Variants in MIA2 observed in about 807,000 individuals in gnomAD.
MIA2 encodes MIA SH3 domain ER export factor 2, also known as melanoma inhibitory activity protein 2.
A neutral mutation model predicts 167.8 loss-of-function variants in MIA2; 127 were observed. That is an observed-to-expected ratio of 0.76 (90% CI 0.66 to 0.88). The LOEUF (loss-of-function observed/expected upper bound fraction) is 0.88. MIA2 is among the 40% of genes least tolerant of loss of function. The pLI, the probability that MIA2 is intolerant of heterozygous loss-of-function variation, is 0.00. For synonymous variants in MIA2, 552 were observed against 541.9 expected (o/e 1.02, Z -0.26); for missense variants, 1,690 against 1,624.7 (o/e 1.04, Z -0.69).
chr14:39,285,415 C>T (rs2059506571), intron 9 of MIA2, among the ~76,000 whole-genome samples: 3 of 139,032 alleles, frequency 2.2e-5, no homozygotes, highest in Admixed American at 1.4e-4. Context: ...GGCGGCTGGC[C>T]GGGCGGGGGC....
At chr14:39,277,696 A>ATATATATATATATATATATGTGTG in intron 7 of MIA2, among the ~76,000 whole-genome samples, 3 of 5,976 alleles carry the variant, frequency 5.0e-4, no homozygotes, top group South Asian at 3.2e-3. Flanking sequence ...ATGTGTGTAT[A>ATATATATATATATATATATGTGTG]TATATATATA....
intron 23 of MIA2, chr14:39,385,719 C>T: frequency 1.0e-6 from 1 of 961,562 alleles, no homozygotes; most frequent in Admixed American, 1.7e-5. Flanking sequence ...GACTATAGTC[C>T]TTCTTACGTG....
At chr14:39,348,410 CAT>C (rs1369565287) in intron 27 of MIA2, among the ~76,000 whole-genome samples, 1 of 152,054 alleles carries the variant, frequency 6.6e-6, no homozygotes, top group African/African-American at 2.4e-5. Context: ...AAAATATAAA[CAT>C]AGACATTTTG....
chr14:39,340,237 C>G (rs1465640872), intron 25 of MIA2, among the ~76,000 whole-genome samples: 2 of 152,138 alleles, frequency 1.3e-5, no homozygotes, highest in Non-Finnish European at 2.9e-5. Flanking sequence ...TGGTGCTTAT[C>G]TTTTACTGAT....
chr14:39,310,952 A>G (rs146395127), intron 18 of MIA2, among the ~76,000 whole-genome samples: 52 of 152,328 alleles, frequency 3.4e-4, no homozygotes, highest in African/African-American at 1.2e-3. Context: ...TTAGGTTAGA[A>G]TGAAAGGTAT....
At chr14:39,282,806 C>G (rs2059134974) in intron 9 of MIA2, among the ~76,000 whole-genome samples, 1 of 152,180 alleles carries the variant, frequency 6.6e-6, no homozygotes, top group Non-Finnish European at 1.5e-5. Flanking sequence ...CTCCCTGGCT[C>G]AGGTGATCCT....
At position 39,247,890 on chromosome 14, in the gene MIA2, T is replaced by G; in HGVS notation, c.1316T>G (p.Ile439Arg). 1 of 1,589,728 alleles carries G rather than the reference T, an allele frequency of 6.3e-7. No homozygotes were observed. The highest frequency in any genetic ancestry group is 1.4e-5 in the African/African-American group (1 of 73,116). ...TIKIIETEDQ[I>R]DKKPVSEKTD... ...AAAATTATAGAAACAGAAGATCAAA[T>G]AGACAAGAAACCAGTCTCAGAAAAA... is the stretch of plus-strand genomic sequence containing the variant. Residue 439 changes from isoleucine to arginine, a missense_variant, in exon 4 of 29, where the codon ATA (isoleucine) becomes AGA (arginine). By Grantham distance (97) the Ile-to-Arg change is moderately conservative. Transcript: ENST00000640607.
intron 26 of MIA2, among the ~76,000 whole-genome samples, chr14:39,346,284 T>C (rs868227471): frequency 1.3e-5 from 2 of 152,196 alleles, no homozygotes; most frequent in South Asian, 2.1e-4. Context: ...TTTACTCTGT[T>C]CTATGACTAA....
At chr14:39,274,431 CTTTTTTTT>C (rs547198743) in intron 6 of MIA2, among the ~76,000 whole-genome samples, 1 of 136,986 alleles carries the variant, frequency 7.3e-6, no homozygotes, top group South Asian at 2.3e-4. Context: ...TTCTTTTTTT[CTTTTTTTT>C]TTTTTTTGAG....
At position 39,283,781 on chromosome 14, in the gene MIA2, C is replaced by G. The variant is rs191041110; in HGVS notation, c.2130+4244C>G. On this transcript the variant is annotated intron_variant, in intron 9 of 28. Transcript: ENST00000640607. ...TGATATTGAACACCATTTCATATAC[C>G]TGTTGGCCATTTTTATGTCATCTTC... Among the ~76,000 whole-genome samples the G allele has an allele frequency of 4.9e-4, 74 of 152,228 alleles. 1 individual carries two copies. Among genetic ancestry groups the G allele is most frequent in the Non-Finnish European group, 2.2e-4 (15 of 68,002 alleles).
intron 6 of MIA2, chr14:39,266,435 C>T (rs1219906819): frequency 3.0e-6 from 3 of 985,344 alleles, no homozygotes; most frequent in Non-Finnish European, 3.6e-6. Flanking sequence ...CCGCGCCAGG[C>T]CAAGGTCCAC....
In MIA2 at chr14:39,299,742, T is replaced by G. The variant is rs964590128; in HGVS notation, c.2497-122T>G. The G allele has an allele frequency of 4.9e-5, 47 of 966,632 alleles. No individual in the cohort carries two copies. The African/African-American group carries it at 7.5e-4, about 15-fold the overall frequency. 59.9% of individuals were successfully genotyped at this position (966,632 alleles called of 1,614,324 possible). On this transcript the variant is annotated intron_variant, in intron 13 of 28. Coordinates refer to ENST00000640607, the MANE Select transcript of MIA2 (RefSeq NM_001329214.4). Reference sequence around the variant, plus strand: ...TGTGTTATTTTACACTACCCCATTTTGAAAGTTCTTTGAAAATAGGAGCCA... The same window carrying G: ...TGTGTTATTTTACACTACCCCATTTGGAAAGTTCTTTGAAAATAGGAGCCA...
chr14:39,347,039 C>T (rs1224803704), intron 26 of MIA2: 1 of 166,354 alleles, frequency 6.0e-6, no homozygotes. Context: ...AAAGAGAAAC[C>T]CAGGAGGTTT....
Position 39,249,158 on chromosome 14 carries a change from T to C in MIA2, c.1567+1017T>C, listed in dbSNP as rs1398715519. On this transcript the variant is annotated intron_variant, in intron 4 of 28. Coordinates refer to ENST00000640607, the MANE Select transcript of MIA2 (RefSeq NM_001329214.4). Reference sequence around the variant, plus strand: ...CAAGAGTTTTCTTTTGTTTTTGTTTTGAGACAAGGTTTCACTCTGTCACCT... The same window carrying C: ...CAAGAGTTTTCTTTTGTTTTTGTTTCGAGACAAGGTTTCACTCTGTCACCT... Among the ~76,000 whole-genome samples, 16 of 152,196 alleles carry C rather than the reference T, an allele frequency of 1.1e-4. No homozygotes were observed. The East Asian group carries it at 1.9e-3, about 18-fold the overall frequency.
intron 25 of MIA2, among the ~76,000 whole-genome samples, chr14:39,338,940 A>G (rs1005248340): frequency 1.3e-5 from 2 of 152,166 alleles, no homozygotes; most frequent in Admixed American, 1.3e-4. Context: ...TTAAGTAGAT[A>G]ATGTCACTAT....
At chr14:39,284,759 A>AT (rs942039155) in intron 9 of MIA2, among the ~76,000 whole-genome samples, 3,413 of 128,336 alleles carry the variant, frequency 0.027, 106 homozygotes, top group African/African-American at 0.077. Context: ...TCTTTTTTTT[A>AT]TTTTTTTTTT....
At chr14:39,331,697 A>G (rs1220781027) in intron 25 of MIA2, among the ~76,000 whole-genome samples, 2 of 152,086 alleles carry the variant, frequency 1.3e-5, no homozygotes, top group African/African-American at 4.8e-5. Flanking sequence ...AAAGGATTTT[A>G]TTTTTCCTTT....
chr14:39,278,551 T>C (rs1340410193), intron 7 of MIA2, among the ~76,000 whole-genome samples: 1 of 152,236 alleles, frequency 6.6e-6, no homozygotes, highest in African/African-American at 2.4e-5. Context: ...GCCCTAAGGC[T>C]GATCCTTTTA....
chr14:39,293,927 G>A, intron 11 of MIA2, 73 bp from the exon 12 acceptor site: 3 of 1,128,184 alleles, frequency 2.7e-6, no homozygotes, highest in Non-Finnish European at 4.0e-6. Flanking sequence ...TAGGTTAACA[G>A]TATATCTAAT....
Sources: allele counts gnomAD v4.1 joint callset (sites outside exome capture counted in the v4.1 genomes callset), GRCh38; gene constraint gnomAD v4.1.1; transcripts MANE v1.5; gene names NCBI Gene and HGNC (gene_info 2026-07-23, HGNC 2026-07-21).